RUNX3: variants seen among roughly 807,000 people sequenced by gnomAD.
The protein encoded by RUNX3 is RUNX family transcription factor 3.
A neutral mutation model predicts 27.7 loss-of-function variants in RUNX3; 10 were observed. That is an observed-to-expected ratio of 0.36 (90% confidence interval 0.22 to 0.61). The LOEUF (loss-of-function observed/expected upper bound fraction) is 0.61, where lower values mean the gene tolerates loss of function less well. RUNX3 is among the 20% of genes least tolerant of loss of function. RUNX3 has a pLI of 0.72. For missense variants in RUNX3, 469 were observed against 629.5 expected (o/e 0.75, Z 2.73); for synonymous variants, 270 against 269.2 (o/e 1.00, Z -0.03).
chr1:24,913,388 T>C (rs1418603455), intron 3 of RUNX3, among the ~76,000 whole-genome samples: 1 of 152,224 alleles, frequency 6.6e-6, no homozygotes, highest in East Asian at 1.9e-4. Context: ...GGTCACTGTC[T>C]TGGGCAAGCC....
At chr1:24,919,386 A>C in intron 2 of RUNX3, 42 bp from the exon 3 acceptor site, 1 of 1,318,706 alleles carries the variant, frequency 7.6e-7, no homozygotes, top group Non-Finnish European at 1.1e-6. Flanking sequence ...TGGCACCTGG[A>C]GCTTCCACAA....
chr1:24,923,648 T>C lies in RUNX3; in HGVS notation c.439+3926A>G, dbSNP rs548057109. 4.5e-4 allele frequency among the ~76,000 whole-genome samples: 69 copies of C among 152,120 alleles called. 1 individual carries two copies. The highest frequency in any genetic ancestry group is 1.6e-3 in the African/African-American group (66 of 41,480). ...TGAGCATTCTCTGCCTGGGTTCCTA[T>C]GTGTATAAGGTCCCCGCCCCACCCA... On this transcript the variant is annotated intron_variant, in intron 2 of 4. Coordinates refer to ENST00000308873, the MANE Select transcript of RUNX3 (RefSeq NM_004350.3). The surrounding 1 kb of genome is among the most constrained non-coding windows in gnomAD (Gnocchi z 5.9).
At chr1:24,908,265 C>T (rs574778043) in intron 3 of RUNX3, among the ~76,000 whole-genome samples, 114 of 150,358 alleles carry the variant, frequency 7.6e-4, no homozygotes, top group Non-Finnish European at 1.2e-3. Context: ...CTACGACACG[C>T]GGTGATCCAA....
At chr1:24,940,398 A>G (rs1007964981) in intron 2 of RUNX3, among the ~76,000 whole-genome samples, 23 of 152,304 alleles carry the variant, frequency 1.5e-4, no homozygotes, top group African/African-American at 5.1e-4. Flanking sequence ...CTGGGTTCCC[A>G]CCTTGCCATC....
At chr1:24,919,117 G>A in intron 3 of RUNX3, 123 bp downstream of exon 3, 3 of 599,358 alleles carry the variant, frequency 5.0e-6, no homozygotes, top group South Asian at 4.1e-5. Flanking sequence ...CAGTGTGTGG[G>A]GGCACAGAGC....
chr1:24,902,520 G>A lies in RUNX3; in HGVS notation c.850C>T (p.Pro284Ser), dbSNP rs201347846. Reference protein sequence around the residue: ...MSAAFPYSATPSGTSISSLSV... With the variant: ...MSAAFPYSATSSGTSISSLSV... The stretch of plus-strand genomic sequence containing the variant: ...AGGCTGCTGATGCTCGTGCCCGAGG[G>A]CGTGGCGCTGTAGGGGAAGGCAGCT... The change falls in exon 5 of 5, where the codon CCC becomes TCC. Residue 284 changes from proline to serine, a missense_variant. This residue lies in a region of RUNX3 where 279 missense variants were observed against 343.0 expected (regional missense o/e 0.81). Coordinates refer to ENST00000308873, the MANE Select transcript of RUNX3 (RefSeq NM_004350.3). This position sits in a 1 kb window ranked among gnomAD's most constrained non-coding sequence, Gnocchi z 9.2. 5 of 1,596,874 alleles carry A rather than the reference G, an allele frequency of 3.1e-6. No homozygotes were observed. In the East Asian group the frequency reaches 6.7e-5, roughly 22 times the overall value.
intron 2 of RUNX3, among the ~76,000 whole-genome samples, chr1:24,941,066 A>G (rs1641464175): frequency 6.6e-6 from 1 of 152,242 alleles, no homozygotes; most frequent in South Asian, 2.1e-4. Context: ...TCGTACAATT[A>G]TTCATGATGC....
intron 2 of RUNX3, among the ~76,000 whole-genome samples, chr1:24,956,064 G>A (rs771686901): frequency 5.3e-5 from 8 of 152,346 alleles, no homozygotes; most frequent in Admixed American, 2.0e-4. Flanking sequence ...ATGGCTCTGC[G>A]CAGCCCGGGG....
At position 24,929,857 on chromosome 1, in the gene RUNX3, G is replaced by C; in HGVS notation, c.12C>G (p.Pro4=). MRI[P]VDPSTSRRFT... is the part of the protein sequence containing the mutation. ...AGCGGCGGCTGGTGCTTGGGTCTAC[G>C]GGAATACGCATAACAGCGGCCGTCA... Residue 4 remains proline (P), a synonymous_variant, in exon 1 of 5, where the codon CCC becomes CCG. Coordinates refer to ENST00000308873, the MANE Select transcript of RUNX3 (RefSeq NM_004350.3). The C allele has an allele frequency of 3.7e-6, 5 of 1,357,226 alleles. No homozygotes were observed. Among genetic ancestry groups the C allele is most frequent in the Non-Finnish European group, 4.7e-6 (5 of 1,063,750 alleles). 84.1% of individuals were successfully genotyped at this position (1,357,226 alleles called of 1,614,324 possible).
At chr1:24,907,579 A>G (rs1640691772) in intron 3 of RUNX3, among the ~76,000 whole-genome samples, 162 bp from the exon 4 acceptor site, 1 of 152,120 alleles carries the variant, frequency 6.6e-6, no homozygotes, top group Non-Finnish European at 1.5e-5. Flanking sequence ...TTTTCAAAAG[A>G]CTTTCTGAAC....
In RUNX3 at chr1:24,929,783, A is replaced by G; in HGVS notation, c.86T>C (p.Met29Thr). The G allele has an allele frequency of 2.1e-6, 3 of 1,436,866 alleles. No homozygotes were observed. The highest frequency in any genetic ancestry group is 2.7e-6 in the Non-Finnish European group (3 of 1,103,774). 89.0% of individuals were successfully genotyped at this position (1,436,866 alleles called of 1,614,324 possible). The change falls in exon 1 of 5, where the codon ATG becomes ACG. Residue 29 changes from methionine to threonine, a missense_variant. By Grantham distance (81) the Met-to-Thr change is moderately conservative. Transcript: ENST00000308873. ...GCTCAGCGCGCCGCTGTTCTCGCCC[A>G]TCTTGCCGCCGCCGCCGCCGCAGGG... The part of the protein sequence containing the change: ...AFPCGGGGGK[M>T]GENSGALSAQ...
chr1:24,932,644 C>T (rs946468373), upstream of RUNX3, among the ~76,000 whole-genome samples: 3 of 152,190 alleles, frequency 2.0e-5, no homozygotes, highest in Non-Finnish European at 4.4e-5. Context: ...TTCAGGCACC[C>T]GGGGAAGACC....
At chr1:24,946,641 T>C (rs1207151944) in intron 2 of RUNX3, among the ~76,000 whole-genome samples, 1 of 152,148 alleles carries the variant, frequency 6.6e-6, no homozygotes, top group Non-Finnish European at 1.5e-5. Context: ...CAGATTTCTG[T>C]CAGGGAACAC....
intron 2 of RUNX3, among the ~76,000 whole-genome samples, chr1:24,938,167 C>G (rs906296): frequency 0.76 from 115,355 of 152,156 alleles, 43,924 homozygotes; most frequent in Middle Eastern, 0.8. Context: ...AGATCCAGGG[C>G]AGCCATTTCC....
At chr1:24,942,840 C>T (rs905443009) in intron 2 of RUNX3, among the ~76,000 whole-genome samples, 4 of 152,212 alleles carry the variant, frequency 2.6e-5, no homozygotes, top group African/African-American at 9.6e-5. Context: ...CCCGGGCTCC[C>T]GCCTCCCAGC....
chr1:24,928,070 G>A (rs1265189308), intron 1 of RUNX3, among the ~76,000 whole-genome samples: 4 of 152,114 alleles, frequency 2.6e-5, no homozygotes, highest in Admixed American at 6.5e-5. Context: ...TGTTGTCTTC[G>A]GCTGCAGCGA....
Position 24,930,137 on chromosome 1 carries a change from T to A in RUNX3, c.-269A>T. On this transcript the variant is annotated 5_prime_UTR_variant, in exon 1 of 5. Transcript: ENST00000308873. The surrounding 1 kb of genome is among the most constrained non-coding windows in gnomAD (Gnocchi z 4.1). ...CGGCCCCGCGTGCGGCCGCCCCTCG[T>A]GGCTGTCCCGGCTGCCTGGGCCGCG... 1.0e-6 allele frequency: 1 copy of A among 972,212 alleles called. No individual in the cohort carries two copies. Among genetic ancestry groups the A allele is most frequent in the Non-Finnish European group, 1.2e-6 (1 of 824,292 alleles). 60.2% of individuals were successfully genotyped at this position (972,212 alleles called of 1,614,324 possible).
At chr1:24,964,596 T>C (rs776425531) in exon 2 of RUNX3, 2 of 1,600,028 alleles carry the variant, frequency 1.2e-6, no homozygotes, top group Admixed American at 3.4e-5. Flanking sequence ...AAGGCGAGAA[T>C]TTTCAGCCCT....
chr1:24,925,974 C>T (rs1641091690), intron 2 of RUNX3, among the ~76,000 whole-genome samples: 1 of 152,190 alleles, frequency 6.6e-6, no homozygotes, highest in Admixed American at 6.5e-5. Context: ...AATGGCCAGA[C>T]AAGGTCTCGG....
Sources: allele counts gnomAD v4.1 joint callset (sites outside exome capture counted in the v4.1 genomes callset), GRCh38; gene constraint gnomAD v4.1.1; regional missense constraint gnomAD v4.1.1; non-coding constraint Gnocchi (gnomAD v3.1); transcripts MANE v1.5; gene names NCBI Gene and HGNC (gene_info 2026-07-23, HGNC 2026-07-21).